The following ABTB3 variants were observed in gnomAD, a reference collection of about 807,000 sequenced individuals.
ABTB3 encodes ankyrin repeat- and BTB/POZ domain-containing protein 3.
At chr12:107,641,868 A>C in the ABTB3 span, among the ~76,000 whole-genome samples, 4 of 152,232 alleles carry the variant, frequency 2.6e-5, no homozygotes, top group Non-Finnish European at 4.4e-5. Flanking sequence ...AAAGAATGTA[A>C]TTGTTGAAAA....
the ABTB3 span, among the ~76,000 whole-genome samples, chr12:107,354,384 C>T: frequency 1.3e-5 from 2 of 152,086 alleles, no homozygotes; most frequent in East Asian, 3.8e-4. Flanking sequence ...AGTCATACTC[C>T]CCCAATTCCT....
At chr12:107,394,921 G>C in the ABTB3 span, among the ~76,000 whole-genome samples, 1 of 152,196 alleles carries the variant, frequency 6.6e-6, no homozygotes, top group South Asian at 2.1e-4. Flanking sequence ...TGGCTGCACT[G>C]TACAGACGTC....
chr12:107,568,493 G>A, the ABTB3 span, among the ~76,000 whole-genome samples: 5 of 152,172 alleles, frequency 3.3e-5, no homozygotes, highest in African/African-American at 1.2e-4. Context: ...GAGCTGCATT[G>A]TCTGGGAGGA....
At chr12:107,438,695 C>T in the ABTB3 span, among the ~76,000 whole-genome samples, 4 of 152,226 alleles carry the variant, frequency 2.6e-5, no homozygotes, top group Non-Finnish European at 5.9e-5. Flanking sequence ...CTCACTCCCC[C>T]TCTCAGGTTC....
chr12:107,433,076 G>A, the ABTB3 span, among the ~76,000 whole-genome samples: 3 of 151,700 alleles, frequency 2.0e-5, no homozygotes, highest in East Asian at 5.8e-4. Flanking sequence ...TTGAGGTCAG[G>A]AGATCGAGAC....
the ABTB3 span, among the ~76,000 whole-genome samples, chr12:107,327,202 A>T: frequency 2.0e-5 from 3 of 152,182 alleles, no homozygotes; most frequent in Admixed American, 1.3e-4. Context: ...TTCATCTATG[A>T]TGTCTAATAT....
the ABTB3 span, among the ~76,000 whole-genome samples, chr12:107,355,121 G>A: frequency 1.3e-5 from 2 of 152,182 alleles, no homozygotes; most frequent in Non-Finnish European, 2.9e-5. Flanking sequence ...CACCTGAGCG[G>A]GGGCTTTTTA....
chr12:107,445,863 T>TC, the ABTB3 span, among the ~76,000 whole-genome samples: 1 of 106,350 alleles, frequency 9.4e-6, no homozygotes, highest in African/African-American at 3.5e-5. Context: ...TCTCCAAATC[T>TC]CCCTCTCCCC....
the ABTB3 span, among the ~76,000 whole-genome samples, chr12:107,448,870 C>T: frequency 1.3e-5 from 2 of 152,176 alleles, no homozygotes; most frequent in Admixed American, 1.3e-4. Context: ...CACACCTGGC[C>T]CCAGAGCCTC....
At chr12:107,333,849 C>T in the ABTB3 span, among the ~76,000 whole-genome samples, 2 of 152,138 alleles carry the variant, frequency 1.3e-5, no homozygotes, top group Non-Finnish European at 2.9e-5. Flanking sequence ...AAAAATAAAT[C>T]AGAGTAAGGG....
chr12:107,657,051 CA>C, the ABTB3 span, among the ~76,000 whole-genome samples: 5 of 151,706 alleles, frequency 3.3e-5, 1 homozygote, highest in South Asian at 2.1e-4. Context: ...TCAAAAAAAA[CA>C]AAAAAAAGAA....
the ABTB3 span, among the ~76,000 whole-genome samples, chr12:107,534,141 G>C: frequency 5.3e-5 from 8 of 151,680 alleles, no homozygotes; most frequent in East Asian, 1.6e-3. Flanking sequence ...TGAGGCTATA[G>C]TGTTCTATGG....
At chr12:107,463,589 T>G in the ABTB3 span, among the ~76,000 whole-genome samples, 1 of 152,126 alleles carries the variant, frequency 6.6e-6, no homozygotes, top group Admixed American at 6.5e-5. Flanking sequence ...AGAGCTGGGC[T>G]TTGAACTAAG....
the ABTB3 span, among the ~76,000 whole-genome samples, chr12:107,589,878 C>G: frequency 3.3e-5 from 5 of 152,146 alleles, no homozygotes; most frequent in African/African-American, 1.2e-4. Flanking sequence ...GTTGGTGGTA[C>G]TATAAGTGAA....
the ABTB3 span, among the ~76,000 whole-genome samples, chr12:107,653,176 C>T: frequency 6.6e-6 from 1 of 152,136 alleles, no homozygotes; most frequent in Non-Finnish European, 1.5e-5. Flanking sequence ...CAGCTCTGGA[C>T]AGTGACAGTG....
At chr12:107,490,246 A>G in the ABTB3 span, among the ~76,000 whole-genome samples, 1 of 152,140 alleles carries the variant, frequency 6.6e-6, no homozygotes, top group Non-Finnish European at 1.5e-5. Context: ...GTGGGTTTGC[A>G]CTTGCACATA....
chr12:107,383,653 C>G, the ABTB3 span, among the ~76,000 whole-genome samples: 1 of 152,210 alleles, frequency 6.6e-6, no homozygotes, highest in Non-Finnish European at 1.5e-5. Flanking sequence ...TCTCTGCCTA[C>G]CTTTCAGAGA....
the ABTB3 span, among the ~76,000 whole-genome samples, chr12:107,363,524 G>A: frequency 9.2e-5 from 14 of 152,206 alleles, no homozygotes; most frequent in Non-Finnish European, 1.5e-5. Flanking sequence ...TGTGTCTGTT[G>A]CCCTTTAGGG....
At chr12:107,536,349 A>C in the ABTB3 span, among the ~76,000 whole-genome samples, 1 of 152,190 alleles carries the variant, frequency 6.6e-6, no homozygotes, top group Admixed American at 6.5e-5. Flanking sequence ...TAGAGGTAAG[A>C]CTTCAAAAGT....
Sources: gnomAD v4.1 joint callset for allele counts (sites outside exome capture counted in the v4.1 genomes callset) on GRCh38, gnomAD v4.1.1 for gene constraint, MANE v1.5 for transcripts, NCBI Gene and HGNC (gene_info 2026-07-23, HGNC 2026-07-21) for gene names.